PCDHGA8: variants seen among roughly 807,000 people sequenced by gnomAD.
PCDHGA8 encodes protocadherin gamma subfamily A, 8.
Under a neutral mutation model 59.2 loss-of-function variants are expected in PCDHGA8, and 45 were observed. The observed-to-expected ratio is 0.76, with a 90% CI of 0.60 to 0.98. PCDHGA8 has a LOEUF of 0.98. PCDHGA8 is among the 50% of genes least tolerant of loss of function. The pLI, the probability that PCDHGA8 is intolerant of heterozygous loss-of-function variation, is 0.00. For synonymous variants in PCDHGA8, 531 were observed against 519.0 expected (o/e 1.02, Z -0.32); for missense variants, 1,257 against 1,196.2 (o/e 1.05, Z -0.75).
In PCDHGA8 at chr5:141,489,993, C is replaced by A; in HGVS notation, c.2425-4814C>A. 6.2e-7 allele frequency: 1 copy of A among 1,614,186 alleles called. No individual in the cohort carries two copies. The highest frequency in any genetic ancestry group is 1.1e-5 in the South Asian group (1 of 91,088). On this transcript the variant is annotated intron_variant, in intron 1 of 3. Transcript: ENST00000398604. The surrounding 1 kb of genome is among the most constrained non-coding windows in gnomAD (Gnocchi z 4.5). ...AATCCTCAGTTCTACGTGTGGGAATCCCAGAGAATGCACCCATTGGTACTC... is the reference window on the plus strand; with the variant it reads ...AATCCTCAGTTCTACGTGTGGGAATACCAGAGAATGCACCCATTGGTACTC...
intron 2 of PCDHGA8, among the ~76,000 whole-genome samples, chr5:141,500,431 G>A (rs1340129330): frequency 6.6e-6 from 1 of 151,476 alleles, no homozygotes; most frequent in Non-Finnish European, 1.5e-5. Flanking sequence ...GGATGGTCTC[G>A]ATCTCCTGAC....
chr5:141,400,155 A>C lies in PCDHGA8; in HGVS notation c.2424+4918A>C, dbSNP rs756922498. The C allele has an allele frequency of 5.0e-6, 8 of 1,613,966 alleles. 1 individual carries two copies. The South Asian group carries it at 6.6e-5, about 13-fold the overall frequency. ...TGCCGGATATCACTGACCGCCCTGT[A>C]CCCTCTGACCCCCAGGCTGAGCTGC... On this transcript the variant is annotated intron_variant, in intron 1 of 3. Transcript: ENST00000398604.
At chr5:141,403,314 T>C (rs1178188100) in intron 1 of PCDHGA8, 7 of 1,613,856 alleles carry the variant, frequency 4.3e-6, no homozygotes, top group Non-Finnish European at 5.1e-6. Flanking sequence ...GGAATAGAAA[T>C]AGAAGTAACT....
intron 3 of PCDHGA8, among the ~76,000 whole-genome samples, chr5:141,509,109 G>A (rs893509101): frequency 5.3e-5 from 8 of 152,240 alleles, no homozygotes; most frequent in African/African-American, 1.9e-4. Flanking sequence ...AAACCTGAGC[G>A]CTGGTGCGTG....
intron 1 of PCDHGA8, chr5:141,428,361 C>T (rs1285334430): frequency 9.0e-6 from 5 of 556,646 alleles, no homozygotes; most frequent in South Asian, 7.5e-5. Context: ...TTTTGGCGGT[C>T]GCCTTGCACC....
chr5:141,432,575 T>TACC lies in PCDHGA8; in HGVS notation c.2424+37339_2424+37341dup, dbSNP rs1044250629. 6.2e-7 allele frequency: 1 copy of TACC among 1,613,326 alleles called. No individual in the cohort carries two copies. The highest frequency in any genetic ancestry group is 1.3e-5 in the African/African-American group (1 of 74,718). ...CTCCGGCCAGAACGCCTGGCTGTCC[T>TACC]ACCGTCTGCTCAAGGCCAGCGAGCC... On this transcript the variant is annotated intron_variant, in intron 1 of 3. Transcript: ENST00000398604. This position sits in a 1 kb window ranked among gnomAD's most constrained non-coding sequence, Gnocchi z 6.0.
intron 1 of PCDHGA8, among the ~76,000 whole-genome samples, chr5:141,437,588 A>G (rs1399641711): frequency 6.6e-6 from 1 of 152,134 alleles, no homozygotes; most frequent in African/African-American, 2.4e-5. Context: ...CATGAATTGG[A>G]TAGTTCTGGT....
rs183831513 is a variant in PCDHGA8 at position 141,497,605 on chromosome 5, T to A, written c.2483+2740T>A. ...CCCAAGCTGGAGTGCAGTGGTGCGA[T>A]CTTGGCTCACTGCAACCTCTGCCTG... On this transcript the variant is annotated intron_variant, in intron 2 of 3. Coordinates refer to ENST00000398604, the MANE Select transcript of PCDHGA8 (RefSeq NM_032088.2). Among the ~76,000 whole-genome samples, 19 of 151,488 alleles carry A rather than the reference T, an allele frequency of 1.3e-4. No individual in the cohort carries two copies. In the East Asian group the frequency reaches 3.7e-3, roughly 29 times the overall value.
rs1289898516 is a variant in PCDHGA8 at position 141,487,019 on chromosome 5, C to G, written c.2425-7788C>G. ...CTATCAGCTCCTGGAGGCCCCAGAT[C>G]CCAGCCTGTTTGCAGTCTCTCGATA... On this transcript the variant is annotated intron_variant, in intron 1 of 3. Transcript: ENST00000398604. The surrounding 1 kb of genome is among the most constrained non-coding windows in gnomAD (Gnocchi z 5.0). 1 of 1,614,204 alleles carries G rather than the reference C, an allele frequency of 6.2e-7. No homozygotes were observed. The highest frequency in any genetic ancestry group is 8.5e-7 in the Non-Finnish European group (1 of 1,180,042).
chr5:141,459,162 T>A (rs1408033955), intron 1 of PCDHGA8, among the ~76,000 whole-genome samples: 3 of 152,224 alleles, frequency 2.0e-5, no homozygotes, highest in African/African-American at 7.2e-5. Context: ...AACATTTCTA[T>A]AACCTTCAAA....
intron 1 of PCDHGA8, chr5:141,419,367 C>T (rs1157934416): frequency 6.2e-7 from 1 of 1,613,652 alleles, no homozygotes; most frequent in Admixed American, 1.7e-5. Context: ...ACGCTGTCGT[C>T]CTACGTGTCC....
chr5:141,507,861 C>G (rs538942097), intron 3 of PCDHGA8, among the ~76,000 whole-genome samples: 6 of 152,306 alleles, frequency 3.9e-5, no homozygotes, highest in South Asian at 4.1e-4. Flanking sequence ...CTTTCACACC[C>G]GCTTCCTAGC....
At position 141,512,114 on chromosome 5, in the gene PCDHGA8, C is replaced by T. The variant is rs2099884080; in HGVS notation, c.*941C>T. ...TAACTAGGCTGGACCCTTCCCACTA[C>T]ATAATAGGGCTCAGCCCAGGCAGCC... On this transcript the variant is annotated 3_prime_UTR_variant, in exon 4 of 4. Coordinates refer to ENST00000398604, the MANE Select transcript of PCDHGA8 (RefSeq NM_032088.2). 2 of 152,696 alleles carry T rather than the reference C, an allele frequency of 1.3e-5. No homozygotes were observed. Among genetic ancestry groups the T allele is most frequent in the African/African-American group, 4.8e-5 (2 of 41,468 alleles). 9.5% of individuals were successfully genotyped at this position (152,696 alleles called of 1,614,324 possible).
chr5:141,428,288 A>G (rs1413902705), intron 1 of PCDHGA8: 1 of 728,846 alleles, frequency 1.4e-6, no homozygotes, highest in Middle Eastern at 2.3e-4. Flanking sequence ...TCCCAAGCAA[A>G]GCTGCAGATT....
At position 141,486,408 on chromosome 5, in the gene PCDHGA8, C is replaced by G; in HGVS notation, c.2425-8399C>G. The G allele has an allele frequency of 1.2e-6, 2 of 1,614,156 alleles. No homozygotes were observed. The highest frequency in any genetic ancestry group is 1.7e-6 in the Non-Finnish European group (2 of 1,180,014). Reference sequence around the variant, plus strand: ...CAGTTCTCCCTGGTGACTGCTGGACCCTTGGATCGAGAGGCCAAATCTAGC... The same window carrying G: ...CAGTTCTCCCTGGTGACTGCTGGACGCTTGGATCGAGAGGCCAAATCTAGC... On this transcript the variant is annotated intron_variant, in intron 1 of 3. Transcript: ENST00000398604. This position sits in a 1 kb window ranked among gnomAD's most constrained non-coding sequence, Gnocchi z 5.0.
intron 1 of PCDHGA8, chr5:141,430,691 G>A (rs1479214920): frequency 7.1e-7 from 1 of 1,416,592 alleles, no homozygotes; most frequent in Non-Finnish European, 9.4e-7. Context: ...CCATTCTATG[G>A]GCGAAGGAAC....
intron 1 of PCDHGA8, chr5:141,395,849 C>G (rs1173151406): frequency 6.6e-6 from 1 of 152,094 alleles, no homozygotes; most frequent in African/African-American, 2.4e-5. Flanking sequence ...GGAGATGAGA[C>G]TGGTTACTAA....
chr5:141,485,607 C>T lies in PCDHGA8; in HGVS notation c.2425-9200C>T. On this transcript the variant is annotated intron_variant, in intron 1 of 3. Coordinates refer to ENST00000398604, the MANE Select transcript of PCDHGA8 (RefSeq NM_032088.2). The surrounding 1 kb of genome is among the most constrained non-coding windows in gnomAD (Gnocchi z 5.7). ...CAGCTGGACTTGGAAATTGGGGAGG[C>T]AGCTCCTCCAGGACAGCGTTTCCCG... is the stretch of plus-strand genomic sequence containing the variant. 1 of 1,612,008 alleles carries T rather than the reference C, an allele frequency of 6.2e-7. No individual in the cohort carries two copies. The highest frequency in any genetic ancestry group is 8.5e-7 in the Non-Finnish European group (1 of 1,178,534).
chr5:141,460,277 A>C (rs2154566827), intron 1 of PCDHGA8, among the ~76,000 whole-genome samples: 1 of 152,124 alleles, frequency 6.6e-6, no homozygotes, highest in African/African-American at 2.4e-5. Context: ...TTTCTTTTAT[A>C]GTTTGTATTT....
Sources: allele counts gnomAD v4.1 joint callset (sites outside exome capture counted in the v4.1 genomes callset), GRCh38; gene constraint gnomAD v4.1.1; non-coding constraint Gnocchi (gnomAD v3.1); transcripts MANE v1.5; gene names NCBI Gene and HGNC (gene_info 2026-07-23, HGNC 2026-07-21).